EYS: variants seen among roughly 807,000 people sequenced by gnomAD.
EYS encodes the protein protein eyes shut homolog.
Under a neutral mutation model 282.1 loss-of-function variants are expected in EYS, and 250 were observed. That is an observed-to-expected ratio of 0.89 (90% confidence interval 0.80 to 0.98). EYS has a LOEUF of 0.98. EYS is among the 50% of genes least tolerant of loss of function. EYS has a pLI of 0.00. For missense variants in EYS, 4,016 were observed against 3,709.0 expected, an observed-to-expected ratio of 1.08 and a Z score of -2.15; for synonymous variants, 1,355 against 1,282.9, an observed-to-expected ratio of 1.06 and a Z score of -1.20.
chr6:65,571,338 A>G (rs1764470752), intron 2 of EYS, among the ~76,000 whole-genome samples: 1 of 152,010 alleles, frequency 6.6e-6, no homozygotes, highest in Non-Finnish European at 1.5e-5. Flanking sequence ...GGTGAACAAG[A>G]ATAAAAGTTG....
At position 65,310,326 on chromosome 6, in the gene EYS, G is replaced by A. The variant is rs532418552; in HGVS notation, c.1767-14207C>T. Among the ~76,000 whole-genome samples the A allele has an allele frequency of 1.2e-3, 176 of 152,066 alleles. 1 individual carries two copies. Among genetic ancestry groups the A allele is most frequent in the Non-Finnish European group, 1.9e-3 (126 of 67,976 alleles). ...GACACTGCACTCCAGCCTGGGTGAT[G>A]GAGTGAGACTCTGTCTAAATCTATC... On this transcript the variant is annotated intron_variant, in intron 11 of 42. Transcript: ENST00000503581.
intron 31 of EYS, among the ~76,000 whole-genome samples, chr6:64,212,010 G>A (rs1017561946): frequency 5.9e-5 from 9 of 151,974 alleles, no homozygotes; most frequent in African/African-American, 2.2e-4. Flanking sequence ...CAGCTACTCA[G>A]GAGGCTGAGG....
chr6:65,240,619 T>C (rs1767034028), intron 12 of EYS, among the ~76,000 whole-genome samples: 1 of 152,206 alleles, frequency 6.6e-6, no homozygotes, highest in African/African-American at 2.4e-5. Context: ...TGTGATTTTG[T>C]TCTTTTTTAT....
In EYS at chr6:64,590,716, T is replaced by C; in HGVS notation, c.5151A>G (p.Leu1717=). 6.4e-7 allele frequency: 1 copy of C among 1,551,198 alleles called. No individual in the cohort carries two copies. Among genetic ancestry groups the C allele is most frequent in the East Asian group, 2.4e-5 (1 of 40,878 alleles). The change falls in exon 26 of 43, where the codon CTA becomes CTG. Residue 1717 remains leucine, a synonymous_variant. Transcript: ENST00000503581. ...YGITMGPTEV[L]NQESLLDMEK... ...CCATGTCCAATAAGCTCTCTTGATT[T>C]AGTACCTCAGTGGGTCCCATAGTTA...
intron 12 of EYS, among the ~76,000 whole-genome samples, chr6:65,135,941 A>G (rs143155205): frequency 6.6e-6 from 1 of 152,192 alleles, no homozygotes; most frequent in East Asian, 1.9e-4. Flanking sequence ...AAAATTCTGT[A>G]AAACATGGTA....
chr6:64,388,631 A>G, intron 29 of EYS, 59 bp downstream of exon 29: 4 of 1,356,932 alleles, frequency 2.9e-6, no homozygotes, highest in South Asian at 3.2e-5. Context: ...ATTTATCAAT[A>G]TGATGATTTT....
chr6:65,019,465 C>T (rs918257793), intron 13 of EYS, among the ~76,000 whole-genome samples: 1 of 152,082 alleles, frequency 6.6e-6, no homozygotes. Flanking sequence ...TAAGTAGACA[C>T]GTGATCTTAG....
chr6:64,435,465 G>A (rs531726748), intron 28 of EYS, among the ~76,000 whole-genome samples: 59 of 142,226 alleles, frequency 4.1e-4, no homozygotes, highest in African/African-American at 1.5e-3. Flanking sequence ...CTTTTTATTG[G>A]CTTTAAACAG....
At chr6:65,049,560 T>C (rs756399052) in intron 13 of EYS, among the ~76,000 whole-genome samples, 1 of 151,760 alleles carries the variant, frequency 6.6e-6, no homozygotes, top group Non-Finnish European at 1.5e-5. Flanking sequence ...GAATGCTGAA[T>C]AATATCACAG....
intron 19 of EYS, among the ~76,000 whole-genome samples, chr6:64,861,032 C>G (rs34744999): frequency 6.6e-6 from 1 of 152,164 alleles, no homozygotes; most frequent in Non-Finnish European, 1.5e-5. Context: ...TACTGACAAC[C>G]CAGACCCCAG....
intron 22 of EYS, among the ~76,000 whole-genome samples, chr6:64,662,479 A>C (rs954571931): frequency 7.2e-5 from 11 of 152,182 alleles, no homozygotes; most frequent in African/African-American, 2.4e-4. Flanking sequence ...AGAGAAAAAT[A>C]ACCCCAAAGT....
chr6:64,298,191 G>A (rs1331157973), intron 30 of EYS, among the ~76,000 whole-genome samples: 1 of 152,040 alleles, frequency 6.6e-6, no homozygotes, highest in Non-Finnish European at 1.5e-5. Context: ...GGCTTATAAT[G>A]CACTTTTTGT....
intron 5 of EYS, among the ~76,000 whole-genome samples, chr6:65,455,718 G>C (rs1045703876): frequency 1.3e-5 from 2 of 151,820 alleles, no homozygotes; most frequent in African/African-American, 2.4e-5. Context: ...TACAAAATCT[G>C]AACAGAACAA....
chr6:65,588,282 AT>A, intron 2 of EYS, among the ~76,000 whole-genome samples: 1 of 151,970 alleles, frequency 6.6e-6, no homozygotes, highest in East Asian at 1.9e-4. Flanking sequence ...TTTTTCTCCC[AT>A]AAATCATATT....
In EYS at chr6:64,445,727, GT is replaced by G. The variant is rs1263013440; in HGVS notation, c.5645-6376del. 3.9e-5 allele frequency among the ~76,000 whole-genome samples: 6 copies of G among 152,106 alleles called. No homozygotes were observed. In the East Asian group the frequency reaches 1.2e-3, roughly 29 times the overall value. On this transcript the variant is annotated intron_variant, in intron 26 of 42. Coordinates refer to ENST00000503581, the MANE Select transcript of EYS (RefSeq NM_001142800.2). Reference sequence around the variant, plus strand: ...TTCCAATGTGATGGCTAGTCACTCCGTTTCCAAAACTGTTCTTCTGTAATAG... The same window carrying G: ...TTCCAATGTGATGGCTAGTCACTCCGTTCCAAAACTGTTCTTCTGTAATAG...
chr6:65,683,287 C>T (rs1467451187), intron 1 of EYS, among the ~76,000 whole-genome samples: 1 of 151,890 alleles, frequency 6.6e-6, no homozygotes, highest in Non-Finnish European at 1.5e-5. Flanking sequence ...CAAAATTATC[C>T]TTGTCAGTTT....
At chr6:64,799,216 G>T (rs1325534423) in intron 22 of EYS, among the ~76,000 whole-genome samples, 1 of 151,704 alleles carries the variant, frequency 6.6e-6, no homozygotes, top group Non-Finnish European at 1.5e-5. Context: ...TAATTTAAAT[G>T]ATGGTTCCTT....
intron 12 of EYS, among the ~76,000 whole-genome samples, chr6:65,180,566 C>A (rs1765351409): frequency 6.6e-6 from 1 of 152,070 alleles, no homozygotes; most frequent in South Asian, 2.1e-4. Context: ...AAGATACAAA[C>A]AAGTGGAAGA....
At chr6:65,085,065 C>T (rs1479534457) in intron 12 of EYS, among the ~76,000 whole-genome samples, 1 of 152,078 alleles carries the variant, frequency 6.6e-6, no homozygotes, top group Non-Finnish European at 1.5e-5. Flanking sequence ...GAATCTAGGT[C>T]ATTAGATGTC....
Sources: gnomAD v4.1 joint callset for allele counts (sites outside exome capture counted in the v4.1 genomes callset) on GRCh38, gnomAD v4.1.1 for gene constraint, MANE v1.5 for transcripts, NCBI Gene and HGNC (gene_info 2026-07-23, HGNC 2026-07-21) for gene names.